The following NR6A1 variants were observed in gnomAD, a reference collection of about 807,000 sequenced individuals.
NR6A1 encodes nuclear receptor subfamily 6 group A member 1, also known as retinoic acid receptor-related testis-associated receptor.
A neutral mutation model predicts 59.1 loss-of-function variants in NR6A1; 7 were observed. The ratio of observed to expected loss-of-function variants is 0.12; its 90% CI spans 0.07 to 0.22. NR6A1 has a LOEUF of 0.22. NR6A1 is among the 10% of genes least tolerant of loss of function. NR6A1 has a pLI of 1.00. For synonymous variants in NR6A1, 243 were observed against 236.1 expected (o/e 1.03, Z -0.27); for missense variants, 468 against 611.6 (o/e 0.77, Z 2.48).
intron 2 of NR6A1, among the ~76,000 whole-genome samples, chr9:124,617,715 A>G (rs138464125): frequency 6.6e-6 from 1 of 152,172 alleles, no homozygotes; most frequent in African/African-American, 2.4e-5. Context: ...GGATGCAGAC[A>G]TTAAGCCTGG....
chr9:124,702,807 G>GT (rs1249831431), intron 2 of NR6A1, among the ~76,000 whole-genome samples: 17 of 151,916 alleles, frequency 1.1e-4, no homozygotes, highest in Non-Finnish European at 2.1e-4. Flanking sequence ...CTCCAGAACC[G>GT]TAAGTCAAAT....
chr9:124,676,100 G>A (rs1837951761), intron 2 of NR6A1, among the ~76,000 whole-genome samples: 1 of 152,156 alleles, frequency 6.6e-6, no homozygotes, highest in African/African-American at 2.4e-5. Flanking sequence ...AATTCACCCA[G>A]GAGAATAAGT....
At chr9:124,604,323 C>T (rs1835521284) in intron 2 of NR6A1, among the ~76,000 whole-genome samples, 1 of 151,990 alleles carries the variant, frequency 6.6e-6, no homozygotes, top group South Asian at 2.1e-4. Flanking sequence ...CTCTGGCCCC[C>T]CTGTTCAGTG....
At chr9:124,639,652 G>A (rs1204273707) in intron 2 of NR6A1, among the ~76,000 whole-genome samples, 4 of 152,184 alleles carry the variant, frequency 2.6e-5, no homozygotes, top group Non-Finnish European at 5.9e-5. Flanking sequence ...GTAAGAAGAG[G>A]ACCAACAGAG....
chr9:124,525,720 C>A (rs1366485425), intron 8 of NR6A1, among the ~76,000 whole-genome samples: 2 of 152,014 alleles, frequency 1.3e-5, no homozygotes, highest in African/African-American at 4.8e-5. Flanking sequence ...TACACACACA[C>A]ACACCTTTTT....
intron 2 of NR6A1, among the ~76,000 whole-genome samples, chr9:124,655,480 A>AT (rs1837233013): frequency 6.6e-6 from 1 of 152,058 alleles, no homozygotes; most frequent in Non-Finnish European, 1.5e-5. Context: ...ACTAATTCAC[A>AT]TTTTTTCCAA....
At chr9:124,606,344 G>C (rs1470942133) in intron 2 of NR6A1, among the ~76,000 whole-genome samples, 2 of 151,836 alleles carry the variant, frequency 1.3e-5, no homozygotes, top group Non-Finnish European at 1.5e-5. Context: ...TGTGTCTATG[G>C]GTCTGTGAAT....
intron 2 of NR6A1, among the ~76,000 whole-genome samples, chr9:124,576,566 C>T (rs1177026638): frequency 6.6e-6 from 1 of 152,024 alleles, no homozygotes; most frequent in Non-Finnish European, 1.5e-5. Context: ...GGATTATAGG[C>T]GTGAACCACC....
At chr9:124,698,555 C>A (rs1318518942) in intron 2 of NR6A1, 2 of 152,198 alleles carry the variant, frequency 1.3e-5, no homozygotes, top group South Asian at 2.1e-4. Context: ...TCAACAAGAT[C>A]CAACTGGACT....
chr9:124,761,113 A>C (rs1840774752), intron 1 of NR6A1, among the ~76,000 whole-genome samples: 1 of 152,274 alleles, frequency 6.6e-6, no homozygotes, highest in African/African-American at 2.4e-5. Context: ...TTTCGTAATT[A>C]AAGCAATTTA....
At chr9:124,719,951 T>C (rs193147835) in intron 2 of NR6A1, among the ~76,000 whole-genome samples, 5 of 152,104 alleles carry the variant, frequency 3.3e-5, no homozygotes, top group African/African-American at 1.2e-4. Context: ...ACTACTCTGT[T>C]CCAGCCAAGA....
chr9:124,601,262 C>T (rs1378141939), intron 2 of NR6A1, among the ~76,000 whole-genome samples: 3 of 148,506 alleles, frequency 2.0e-5, no homozygotes, highest in Admixed American at 1.3e-4. Context: ...GCCGACAGAG[C>T]GAGACTCTGT....
At chr9:124,701,316 C>G (rs1838944410) in intron 2 of NR6A1, among the ~76,000 whole-genome samples, 1 of 152,172 alleles carries the variant, frequency 6.6e-6, no homozygotes, top group African/African-American at 2.4e-5. Context: ...TTTGCATCTC[C>G]CTAATGACTA....
intron 2 of NR6A1, among the ~76,000 whole-genome samples, chr9:124,556,082 G>A (rs141556744): frequency 1.3e-5 from 2 of 152,094 alleles, no homozygotes; most frequent in Non-Finnish European, 2.9e-5. Context: ...GAATAACTGC[G>A]ACCCATAGAT....
rs529101395 is a variant in NR6A1 at position 124,648,315 on chromosome 9, T to C, written c.142+84993A>G. Reference sequence around the variant, plus strand: ...GAGTTCGAGACCAGCCTGGGCAACATAGCGAGACCCCATCTCTACCAAAAT... The same window carrying C: ...GAGTTCGAGACCAGCCTGGGCAACACAGCGAGACCCCATCTCTACCAAAAT... On this transcript the variant is annotated intron_variant, in intron 2 of 9. Coordinates refer to ENST00000487099, the MANE Select transcript of NR6A1 (RefSeq NM_033334.4). Among the ~76,000 whole-genome samples, 91 of 152,216 alleles carry C rather than the reference T, an allele frequency of 6.0e-4. 1 individual carries two copies. The South Asian group carries it at 0.018, about 30-fold the overall frequency.
chr9:124,644,238 G>A (rs1045944252), intron 2 of NR6A1, among the ~76,000 whole-genome samples: 1 of 147,210 alleles, frequency 6.8e-6, no homozygotes, highest in African/African-American at 2.5e-5. Flanking sequence ...CTGAAGAAGA[G>A]GTGTATACTG....
At chr9:124,589,338 C>T (rs1450662072) in intron 2 of NR6A1, among the ~76,000 whole-genome samples, 1 of 152,066 alleles carries the variant, frequency 6.6e-6, no homozygotes, top group Admixed American at 6.5e-5. Context: ...CCCAGCTACT[C>T]GGGAGGCTGA....
At position 124,521,803 on chromosome 9, in the gene NR6A1, T is replaced by C. The variant is rs1472733523; in HGVS notation, c.*902A>G. The C allele has an allele frequency of 6.6e-6, 1 of 152,016 alleles. No individual in the cohort carries two copies. The highest frequency in any genetic ancestry group is 1.5e-5 in the Non-Finnish European group (1 of 68,032). The allele number at this position is 152,016 out of a possible 1,614,324, so 9.4% of individuals were successfully genotyped here. On this transcript the variant is annotated 3_prime_UTR_variant, in exon 10 of 10. Transcript: ENST00000487099. ...TTCAAAGGGCCAATAGGAAGTCAAA[T>C]GTGTAAGGGAGTGGGAAGGAGGAAG... is the stretch of plus-strand genomic sequence containing the variant.
At chr9:124,559,113 A>T (rs528825439) in intron 2 of NR6A1, among the ~76,000 whole-genome samples, 9 of 152,310 alleles carry the variant, frequency 5.9e-5, no homozygotes, top group African/African-American at 2.2e-4. Flanking sequence ...AAGTTTTTAC[A>T]TACACTATTT....
Sources: allele counts gnomAD v4.1 joint callset (sites outside exome capture counted in the v4.1 genomes callset), GRCh38; gene constraint gnomAD v4.1.1; transcripts MANE v1.5; gene names NCBI Gene and HGNC (gene_info 2026-07-23, HGNC 2026-07-21).